The following PCDH11X variants were observed in gnomAD, a reference collection of about 807,000 sequenced individuals.
The protein encoded by PCDH11X is protocadherin-11 X-linked.
PCDH11X carries 18 observed loss-of-function variants against 53.3 expected under a neutral mutation model. That is an observed-to-expected ratio of 0.34 (90% CI 0.23 to 0.50). The LOEUF (loss-of-function observed/expected upper bound fraction) is 0.50. Among genes scored for constraint, PCDH11X ranks in the 20% least tolerant of loss-of-function variants. PCDH11X has a pLI of 0.98. For synonymous variants in PCDH11X, 279 were observed against 393.3 expected, an observed-to-expected ratio of 0.71 and a Z score of 3.44; for missense variants, 570 against 1,032.4, an observed-to-expected ratio of 0.55 and a Z score of 6.14.
At chrX:92,089,546 G>T (rs1484503239) in intron 6 of PCDH11X, among the ~76,000 whole-genome samples, 2 of 110,023 alleles carry the variant, frequency 1.8e-5, no homozygotes. Flanking sequence ...TTTTGAGATG[G>T]AGTTTCACTC....
intron 6 of PCDH11X, among the ~76,000 whole-genome samples, chrX:92,103,688 G>C (rs1304006708): frequency 1.8e-5 from 2 of 112,226 alleles, no homozygotes; most frequent in African/African-American, 3.2e-5. Flanking sequence ...CCAGATTTCC[G>C]GCATGTGTAA....
At chrX:92,550,457 G>A (rs2074933784) in intron 10 of PCDH11X, among the ~76,000 whole-genome samples, 1 of 105,566 alleles carries the variant, frequency 9.5e-6, no homozygotes, top group African/African-American at 3.4e-5. Context: ...ATTTATTTTT[G>A]TATATAGTAA....
intron 9 of PCDH11X, among the ~76,000 whole-genome samples, chrX:92,463,299 T>C (rs1017549735): frequency 2.7e-5 from 3 of 111,602 alleles, no homozygotes; most frequent in African/African-American, 9.8e-5. Flanking sequence ...TCAGTTGATG[T>C]GAACATGAGG....
At chrX:92,272,800 T>C (rs1158369636) in intron 8 of PCDH11X, among the ~76,000 whole-genome samples, 1 of 112,143 alleles carries the variant, frequency 8.9e-6, no homozygotes, top group African/African-American at 3.2e-5. Context: ...GGAATTGAGG[T>C]AGCACTTTGA....
chrX:91,809,430 C>G (rs759969558), intron 1 of PCDH11X, among the ~76,000 whole-genome samples, 36 bp from the exon 2 acceptor site: 24 of 110,655 alleles, frequency 2.2e-4, no homozygotes, highest in Admixed American at 5.8e-4. Context: ...TGTTATCTCC[C>G]CCACTACATA....
chrX:92,331,279 T>TTTCTTCTTCTTCTTC lies in PCDH11X; in HGVS notation c.3145-56431_3145-56417dup, dbSNP rs757045963. Among the ~76,000 whole-genome samples, 337 of 53,173 alleles carry TTTCTTCTTCTTCTTC rather than the reference T, an allele frequency of 6.3e-3. 34 individuals carry two copies. The highest frequency in any genetic ancestry group is 0.021 in the African/African-American group (294 of 13,676). The allele number at this position is 53,173 out of a possible 115,157, so 46.2% of individuals were successfully genotyped here. A position where few individuals can be genotyped will look rare whatever the true frequency, so the allele number is the denominator to read the frequency against. ...TTCTTTCCACCTCCTCCTCCTCCTC[T>TTTCTTCTTCTTCTTC]TTCTTCTTCTTCTTCTTCTTCTTCT... On this transcript the variant is annotated intron_variant, in intron 8 of 10. Coordinates refer to ENST00000682573, the MANE Select transcript of PCDH11X (RefSeq NM_032968.5).
intron 7 of PCDH11X, among the ~76,000 whole-genome samples, chrX:92,246,362 T>A (rs2067350630): frequency 9.0e-6 from 1 of 111,252 alleles, no homozygotes; most frequent in Non-Finnish European, 1.9e-5. Flanking sequence ...TTGTTGTTGT[T>A]GTTGTTTTGA....
intron 6 of PCDH11X, among the ~76,000 whole-genome samples, chrX:91,951,961 G>A (rs1267959736): frequency 9.0e-6 from 1 of 110,889 alleles, no homozygotes. Context: ...TGCTGCTATG[G>A]CAATATTATG....
At chrX:92,119,759 G>A (rs185944155) in intron 6 of PCDH11X, among the ~76,000 whole-genome samples, 110 of 111,842 alleles carry the variant, frequency 9.8e-4, no homozygotes, top group Non-Finnish European at 7.7e-4. Context: ...ACCAAGTAGT[G>A]TGTGCTCTTA....
At chrX:92,591,746 T>A (rs1038550757) in intron 10 of PCDH11X, among the ~76,000 whole-genome samples, 1 of 111,449 alleles carries the variant, frequency 9.0e-6, no homozygotes, top group Non-Finnish European at 1.9e-5. Flanking sequence ...TGAATCAGCA[T>A]GTTCTTCATC....
chrX:91,993,356 T>C (rs1248090371), intron 6 of PCDH11X, among the ~76,000 whole-genome samples: 1 of 112,452 alleles, frequency 8.9e-6, no homozygotes, highest in Non-Finnish European at 1.9e-5. Flanking sequence ...TTTGAACATA[T>C]ATTACCTAGT....
chrX:92,329,902 T>A (rs766008720), intron 8 of PCDH11X, among the ~76,000 whole-genome samples: 1 of 111,436 alleles, frequency 9.0e-6, no homozygotes, highest in East Asian at 2.8e-4. Context: ...ATGAATATCA[T>A]CTAGCATGTG....
At chrX:92,026,714 A>G (rs2062975193) in intron 6 of PCDH11X, among the ~76,000 whole-genome samples, 1 of 82,161 alleles carries the variant, frequency 1.2e-5, no homozygotes, top group Non-Finnish European at 2.3e-5. Context: ...TAGAAAGGAG[A>G]AAAGAAAACT....
intron 6 of PCDH11X, among the ~76,000 whole-genome samples, chrX:92,011,593 GA>G (rs2062692907): frequency 9.0e-6 from 1 of 111,518 alleles, no homozygotes; most frequent in African/African-American, 3.3e-5. Context: ...GTATAGAAAA[GA>G]ATGTTTATGG....
intron 6 of PCDH11X, among the ~76,000 whole-genome samples, chrX:92,076,632 A>C (rs1260382556): frequency 8.9e-6 from 1 of 111,765 alleles, no homozygotes; most frequent in Non-Finnish European, 1.9e-5. Context: ...GGGTACCCTC[A>C]TCAAATATGT....
At chrX:91,882,804 A>G in intron 6 of PCDH11X, 2 of 1,094,711 alleles carry the variant, frequency 1.8e-6, no homozygotes, top group Admixed American at 5.4e-5. Flanking sequence ...CTCTGCATTT[A>G]TATTTTGGTA....
intron 6 of PCDH11X, among the ~76,000 whole-genome samples, chrX:92,090,892 G>T (rs1362918179): frequency 8.9e-6 from 1 of 112,120 alleles, no homozygotes; most frequent in Non-Finnish European, 1.9e-5. Flanking sequence ...AAGTTCGTGA[G>T]AGCAGTTCAT....
chrX:92,269,978 T>C (rs1302471051), intron 8 of PCDH11X, among the ~76,000 whole-genome samples: 1 of 111,796 alleles, frequency 8.9e-6, no homozygotes, highest in African/African-American at 3.2e-5. Context: ...TTCTGGAAAT[T>C]TTTCTTCCAT....
At chrX:92,613,392 T>C (rs1055331740) in intron 10 of PCDH11X, among the ~76,000 whole-genome samples, 4 of 111,229 alleles carry the variant, frequency 3.6e-5, no homozygotes, top group Admixed American at 1.9e-4. Context: ...GGTTGGAATT[T>C]CTTGTTTTTA....
Sources: allele counts gnomAD v4.1 joint callset (sites outside exome capture counted in the v4.1 genomes callset), GRCh38; gene constraint gnomAD v4.1.1; transcripts MANE v1.5; gene names NCBI Gene and HGNC (gene_info 2026-07-23, HGNC 2026-07-21).